SREK1IP1: variants seen among roughly 807,000 people sequenced by gnomAD.
The protein encoded by SREK1IP1 is protein SREK1IP1.
In SREK1IP1, 12 loss-of-function variants were observed where a neutral mutation model predicts 22.8. That is an observed-to-expected ratio of 0.53 (90% CI 0.34 to 0.85). SREK1IP1 has a LOEUF of 0.85. Among genes scored for constraint, SREK1IP1 ranks in the 40% least tolerant of loss-of-function variants. The probability of loss-of-function intolerance (pLI) is 0.02; values close to 1 mark genes in which losing one functional copy is unlikely to be tolerated. For synonymous variants in SREK1IP1, 53 were observed against 52.7 expected (o/e 1.01, Z -0.02); for missense variants, 147 against 171.8 (o/e 0.86, Z 0.81).
chr5:64,760,157 G>A (rs1742921369), intron 1 of SREK1IP1, among the ~76,000 whole-genome samples: 2 of 152,168 alleles, frequency 1.3e-5, no homozygotes, highest in African/African-American at 4.8e-5. Context: ...ATGATGTCAT[G>A]ATCGCTAAGA....
chr5:64,744,130 G>A (rs1396852881), intron 2 of SREK1IP1, among the ~76,000 whole-genome samples: 1 of 152,004 alleles, frequency 6.6e-6, no homozygotes, highest in Non-Finnish European at 1.5e-5. Flanking sequence ...ACCAGAAAAG[G>A]GAAGAAAAAG....
At chr5:64,765,652 T>C (rs1743020792) in intron 1 of SREK1IP1, among the ~76,000 whole-genome samples, 1 of 152,232 alleles carries the variant, frequency 6.6e-6, no homozygotes, top group African/African-American at 2.4e-5. Context: ...AGTTTATAGC[T>C]TGCCATCTAG....
intron 2 of SREK1IP1, among the ~76,000 whole-genome samples, chr5:64,744,721 CTTAA>C (rs1412775586): frequency 3.3e-5 from 5 of 152,052 alleles, no homozygotes; most frequent in Non-Finnish European, 5.9e-5. Flanking sequence ...CGTAGTTGGA[CTTAA>C]TTTTTTAAAT....
rs542515899 is a variant in SREK1IP1, at chr5:64,741,106, G to A, written c.156C>T (p.Ser52=). ...TATTCAGTTCTTCATTCTCTTCATCGCTATCTTCACTACTTGTACTGCTGA... is the reference window on the plus strand; with the variant it reads ...TATTCAGTTCTTCATTCTCTTCATCACTATCTTCACTACTTGTACTGCTGA... The part of the protein sequence containing the change: ...LDVSSTSSED[S]DEENEELNKL... The change falls in exon 3 of 5, where the codon AGC becomes AGT. Residue 52 remains serine (S), a synonymous_variant. Coordinates refer to ENST00000513458, the MANE Select transcript of SREK1IP1 (RefSeq NM_173829.4). The A allele has an allele frequency of 2.7e-5, 44 of 1,612,342 alleles. No homozygotes were observed. Among genetic ancestry groups the A allele is most frequent in the African/African-American group, 2.1e-4 (16 of 74,862 alleles).
At chr5:64,761,878 G>T (rs967439121) in intron 1 of SREK1IP1, among the ~76,000 whole-genome samples, 1 of 151,584 alleles carries the variant, frequency 6.6e-6, no homozygotes, top group Non-Finnish European at 1.5e-5. Context: ...TAGCACAAAA[G>T]AAAAAAAATT....
At chr5:64,726,964 C>T (rs890221758) in intron 4 of SREK1IP1, among the ~76,000 whole-genome samples, 4 of 152,156 alleles carry the variant, frequency 2.6e-5, no homozygotes, top group African/African-American at 9.7e-5. Context: ...GATATCATTT[C>T]CTGTGAGCAA....
At chr5:64,738,727 G>A (rs1250441514) in intron 3 of SREK1IP1, among the ~76,000 whole-genome samples, 1 of 152,100 alleles carries the variant, frequency 6.6e-6, no homozygotes, top group African/African-American at 2.4e-5. Flanking sequence ...CACACAATGG[G>A]AAAAGGATGT....
At chr5:64,727,454 C>CATATATAT (rs10649215) in intron 4 of SREK1IP1, among the ~76,000 whole-genome samples, 39 of 141,012 alleles carry the variant, frequency 2.8e-4, no homozygotes, top group African/African-American at 1.0e-3. Flanking sequence ...CATCAGCCAC[C>CATATATAT]ATATATATAT....
In SREK1IP1 at chr5:64,758,020, C is replaced by T. The variant is rs552071544; in HGVS notation, c.14-3658G>A. ...CCTGAGTAGCTGGGACTACAGGCGC[C>T]CGCCACCACGCCAGGCTAATTTTTT... On this transcript the variant is annotated intron_variant, in intron 1 of 4. Transcript: ENST00000513458. Among the ~76,000 whole-genome samples, 486 of 151,266 alleles carry T rather than the reference C, an allele frequency of 3.2e-3. 2 individuals are homozygous for T. Among genetic ancestry groups the T allele is most frequent in the Middle Eastern group, 0.017 (5 of 292 alleles).
intron 2 of SREK1IP1, among the ~76,000 whole-genome samples, chr5:64,745,635 G>A (rs1190784975): frequency 6.6e-6 from 1 of 151,138 alleles, no homozygotes; most frequent in Non-Finnish European, 1.5e-5. Flanking sequence ...ACTTAAGCTA[G>A]CTTTGTACCC....
chr5:64,741,133 A>G lies in SREK1IP1; in HGVS notation c.129T>C (p.Asp43=), dbSNP rs1742544656. The change falls in exon 3 of 5, where the codon GAT becomes GAC. Residue 43 remains aspartate, a synonymous_variant. Coordinates refer to ENST00000513458, the MANE Select transcript of SREK1IP1 (RefSeq NM_173829.4). ...RVDPKRDIVL[D]VSSTSSEDSD... Reference sequence around the variant, plus strand: ...TATCTTCACTACTTGTACTGCTGACATCCAAAACTATGTCCCTTTTAGGGT... The same window carrying G: ...TATCTTCACTACTTGTACTGCTGACGTCCAAAACTATGTCCCTTTTAGGGT... 1.2e-6 allele frequency: 2 copies of G among 1,612,898 alleles called. No individual in the cohort carries two copies. Among genetic ancestry groups the G allele is most frequent in the Non-Finnish European group, 1.7e-6 (2 of 1,179,312 alleles).
intron 2 of SREK1IP1, among the ~76,000 whole-genome samples, chr5:64,750,168 C>T (rs984121731): frequency 1.3e-5 from 2 of 152,116 alleles, no homozygotes; most frequent in African/African-American, 2.4e-5. Context: ...CATGGTCACA[C>T]TATGGTCCTT....
chr5:64,746,033 C>G (rs1477623303), intron 2 of SREK1IP1, among the ~76,000 whole-genome samples: 1 of 152,082 alleles, frequency 6.6e-6, no homozygotes, highest in Non-Finnish European at 1.5e-5. Flanking sequence ...ACACACAGAC[C>G]AATGGAATAG....
intron 1 of SREK1IP1, among the ~76,000 whole-genome samples, chr5:64,758,618 A>C (rs1301546840): frequency 6.6e-6 from 1 of 152,228 alleles, no homozygotes; most frequent in East Asian, 1.9e-4. Context: ...GATGCTAAAA[A>C]AATACTGAAT....
chr5:64,760,580 C>G (rs1191378295), intron 1 of SREK1IP1, among the ~76,000 whole-genome samples: 1 of 152,198 alleles, frequency 6.6e-6, no homozygotes, highest in African/African-American at 2.4e-5. Context: ...AACAGACACA[C>G]AACTCTCCCT....
chr5:64,754,431 G>A, intron 1 of SREK1IP1, 69 bp from the exon 2 acceptor site: 2 of 1,465,148 alleles, frequency 1.4e-6, no homozygotes, highest in African/African-American at 1.4e-5. Flanking sequence ...TTTATTGTAT[G>A]AAAAAAGCTA....
rs537418602 is a variant in SREK1IP1, at chr5:64,741,773, G to T, written c.62-573C>A. Reference sequence around the variant, plus strand: ...AAAACTACAACAGTTATCTACTTATGTATATGTTTTAGAAAGTCAAATATT... The same window carrying T: ...AAAACTACAACAGTTATCTACTTATTTATATGTTTTAGAAAGTCAAATATT... On this transcript the variant is annotated intron_variant, in intron 2 of 4. Transcript: ENST00000513458. 1.1e-3 allele frequency among the ~76,000 whole-genome samples: 173 copies of T among 152,108 alleles called. 1 individual carries two copies. Among genetic ancestry groups the T allele is most frequent in the African/African-American group, 4.0e-3 (165 of 41,490 alleles).
At chr5:64,742,132 A>AT (rs1742562413) in intron 2 of SREK1IP1, among the ~76,000 whole-genome samples, 1 of 152,094 alleles carries the variant, frequency 6.6e-6, no homozygotes, top group Admixed American at 6.6e-5. Context: ...ATATTTTGTG[A>AT]TTTATCTATG....
Position 64,732,615 on chromosome 5 carries a change from G to A in SREK1IP1, c.206-4436C>T, listed in dbSNP as rs145446788. 2.4e-3 allele frequency among the ~76,000 whole-genome samples: 368 copies of A among 152,170 alleles called. 1 individual carries two copies. Among genetic ancestry groups the A allele is most frequent in the African/African-American group, 7.6e-3 (314 of 41,540 alleles). ...TCAGAAGACTCAACAAAGTAATGACGTCCATTCTCCCCAAACTGATATACA... is the reference window on the plus strand; with the variant it reads ...TCAGAAGACTCAACAAAGTAATGACATCCATTCTCCCCAAACTGATATACA... On this transcript the variant is annotated intron_variant, in intron 3 of 4. Transcript: ENST00000513458.
Sources: gnomAD v4.1 joint callset for allele counts (sites outside exome capture counted in the v4.1 genomes callset) on GRCh38, gnomAD v4.1.1 for gene constraint, MANE v1.5 for transcripts, NCBI Gene and HGNC (gene_info 2026-07-23, HGNC 2026-07-21) for gene names.